Variants in LRP1B observed in about 807,000 individuals in gnomAD.
LRP1B encodes the protein LDL receptor related protein 1B, also known as low-density lipoprotein receptor-related protein 1B.
Under a neutral mutation model 556.6 loss-of-function variants are expected in LRP1B, and 217 were observed. The observed-to-expected ratio is 0.39, with a 90% CI of 0.35 to 0.44. LRP1B has a LOEUF of 0.44. Ranked by LOEUF, LRP1B falls within the 20% of genes least tolerant of loss-of-function variation. The probability of loss-of-function intolerance (pLI) is 1.00; values close to 1 mark genes in which losing one functional copy is unlikely to be tolerated. For missense variants in LRP1B, 5,053 were observed against 5,620.8 expected (o/e 0.90, Z 3.23); for synonymous variants, 2,047 against 1,865.8 (o/e 1.10, Z -2.50).
intron 2 of LRP1B, among the ~76,000 whole-genome samples, chr2:141,538,754 T>G (rs1432912809): frequency 3.3e-5 from 5 of 152,112 alleles, no homozygotes; most frequent in Non-Finnish European, 7.4e-5. Context: ...TTCTTGTGCT[T>G]TAGCCTCCCA....
intron 2 of LRP1B, among the ~76,000 whole-genome samples, chr2:141,545,933 T>C (rs1402225418): frequency 6.6e-6 from 1 of 152,166 alleles, no homozygotes; most frequent in African/African-American, 2.4e-5. Flanking sequence ...GTTGAACTTC[T>C]GACTTAGCAA....
chr2:141,137,574 T>C (rs1701521531), intron 7 of LRP1B, among the ~76,000 whole-genome samples: 1 of 151,978 alleles, frequency 6.6e-6, no homozygotes, highest in South Asian at 2.1e-4. Flanking sequence ...ATATGCATTA[T>C]CTCACGTACT....
At chr2:141,511,020 A>T (rs1684112705) in intron 2 of LRP1B, among the ~76,000 whole-genome samples, 1 of 152,012 alleles carries the variant, frequency 6.6e-6, no homozygotes, top group Admixed American at 6.6e-5. Context: ...TGATTCAATG[A>T]TCTGTCTTTC....
At chr2:141,096,673 A>AGAGAGG (rs1558858333) in intron 7 of LRP1B, among the ~76,000 whole-genome samples, 9 of 130,504 alleles carry the variant, frequency 6.9e-5, no homozygotes, top group Non-Finnish European at 1.2e-4. Flanking sequence ...AGAGAGAGAG[A>AGAGAGG]GAGAGAGAGA....
chr2:141,204,611 A>G (rs1230249594), intron 6 of LRP1B, among the ~76,000 whole-genome samples: 1 of 152,182 alleles, frequency 6.6e-6, no homozygotes, highest in Admixed American at 6.5e-5. Context: ...TAAAATATGT[A>G]CTCATATTGA....
At chr2:141,584,120 C>CTGT (rs1362565076) in intron 2 of LRP1B, among the ~76,000 whole-genome samples, 1 of 151,976 alleles carries the variant, frequency 6.6e-6, no homozygotes, top group Non-Finnish European at 1.5e-5. Context: ...TGGCACATAC[C>CTGT]TGTAGTCTCA....
chr2:141,661,142 C>CA (rs779690464), intron 2 of LRP1B, among the ~76,000 whole-genome samples: 12 of 152,118 alleles, frequency 7.9e-5, no homozygotes, highest in Non-Finnish European at 1.6e-4. Flanking sequence ...ACAGCATCAA[C>CA]AAAATGTTCC....
chr2:140,550,815 T>C (rs992524293), intron 43 of LRP1B, among the ~76,000 whole-genome samples: 6 of 152,192 alleles, frequency 3.9e-5, no homozygotes, highest in Non-Finnish European at 7.3e-5. Context: ...GTAATAGTAT[T>C]ATGAACTGAG....
At chr2:140,288,099 TC>T (rs1239833649) in intron 84 of LRP1B, among the ~76,000 whole-genome samples, 9 of 151,534 alleles carry the variant, frequency 5.9e-5, no homozygotes, top group African/African-American at 2.2e-4. Context: ...TTTCCTCCTT[TC>T]TCTCATCTTT....
At chr2:141,551,720 A>T (rs1480160378) in intron 2 of LRP1B, among the ~76,000 whole-genome samples, 1 of 151,982 alleles carries the variant, frequency 6.6e-6, no homozygotes, top group Non-Finnish European at 1.5e-5. Context: ...TGGCTCTCCA[A>T]ATTTGGCCCT....
intron 2 of LRP1B, among the ~76,000 whole-genome samples, chr2:141,705,214 TG>T (rs1461299756): frequency 6.6e-6 from 1 of 152,028 alleles, no homozygotes; most frequent in Non-Finnish European, 1.5e-5. Context: ...TGCCTATCTA[TG>T]ATCAGAAAAA....
chr2:140,591,765 C>G (rs971949198), intron 43 of LRP1B, among the ~76,000 whole-genome samples: 1 of 152,136 alleles, frequency 6.6e-6, no homozygotes, highest in African/African-American at 2.4e-5. Context: ...TTATCTGATC[C>G]TAGAATTTAA....
At chr2:140,526,698 C>CAAA (rs35329112) in intron 47 of LRP1B, among the ~76,000 whole-genome samples, 10,826 of 136,088 alleles carry the variant, frequency 0.08, 618 homozygotes, top group Middle Eastern at 0.16. Context: ...AGCACTGAGC[C>CAAA]AAAAAAAAAA....
At chr2:141,467,845 G>GGGCGGTGC (rs575815274) in intron 3 of LRP1B, among the ~76,000 whole-genome samples, 1 of 127,364 alleles carries the variant, frequency 7.9e-6, no homozygotes, top group African/African-American at 2.8e-5. Context: ...GGACCGGGGG[G>GGGCGGTGC]GGGGGAATTC....
At position 140,724,130 on chromosome 2, in the gene LRP1B, C is replaced by A. The variant is rs146302752; in HGVS notation, c.5759-7314G>T. 1.6e-3 allele frequency among the ~76,000 whole-genome samples: 237 copies of A among 152,206 alleles called. 2 individuals are homozygous for A. The highest frequency in any genetic ancestry group is 5.4e-3 in the African/African-American group (224 of 41,532). On this transcript the variant is annotated intron_variant, in intron 35 of 90. Transcript: ENST00000389484. The stretch of plus-strand genomic sequence containing the variant: ...AAATTGTGCAAATTTTGTAGATAAA[C>A]GGATTCTTTCGTAATAAGTTCCGGT...
rs1270139399 is a variant in LRP1B at position 140,457,401 on chromosome 2, A to G, written c.9814+62T>C. 2.4e-6 allele frequency: 3 copies of G among 1,269,176 alleles called. No homozygotes were observed. In the East Asian group the frequency reaches 7.0e-5, roughly 30 times the overall value. The allele number at this position is 1,269,176 out of a possible 1,614,324, so 78.6% of individuals were successfully genotyped here. A position where few individuals can be genotyped will look rare whatever the true frequency, so the allele number is the denominator to read the frequency against. On this transcript the variant is annotated intron_variant, in intron 61 of 90. Coordinates refer to ENST00000389484, the MANE Select transcript of LRP1B (RefSeq NM_018557.3). ...AATTACATTTAACCTTGAAATAATAAAAAATGGAATGTTACTGAAAGATGT... is the reference window on the plus strand; with the variant it reads ...AATTACATTTAACCTTGAAATAATAGAAAATGGAATGTTACTGAAAGATGT...
chr2:140,696,445 T>A (rs1365836263), intron 41 of LRP1B, among the ~76,000 whole-genome samples: 1 of 152,210 alleles, frequency 6.6e-6, no homozygotes, highest in Non-Finnish European at 1.5e-5. Context: ...TAGTCAGACC[T>A]TAATGCACTA....
chr2:142,031,547 T>G (rs1382428148), intron 1 of LRP1B, among the ~76,000 whole-genome samples: 1 of 140,762 alleles, frequency 7.1e-6, no homozygotes, highest in Non-Finnish European at 1.5e-5. Context: ...CCATGTGTGA[T>G]TTTACTTATT....
chr2:141,854,844 C>T (rs905545326), intron 1 of LRP1B, among the ~76,000 whole-genome samples: 3 of 151,912 alleles, frequency 2.0e-5, no homozygotes, highest in African/African-American at 7.2e-5. Context: ...CTATTATTTT[C>T]TTTATTCTGA....
Sources: gnomAD v4.1 joint callset for allele counts (sites outside exome capture counted in the v4.1 genomes callset) on GRCh38, gnomAD v4.1.1 for gene constraint, MANE v1.5 for transcripts, NCBI Gene and HGNC (gene_info 2026-07-23, HGNC 2026-07-21) for gene names.